STAT5B: variants seen among roughly 807,000 people sequenced by gnomAD.
STAT5B encodes the protein signal transducer and activator of transcription 5B, also known as transcription factor STAT5B.
STAT5B carries 21 observed loss-of-function variants against 107.8 expected under a neutral mutation model. That is an observed-to-expected ratio of 0.19 (90% CI 0.14 to 0.28). STAT5B has a LOEUF of 0.28. Among genes scored for constraint, STAT5B ranks in the 10% least tolerant of loss-of-function variants. STAT5B has a pLI of 1.00. For missense variants in STAT5B, 565 were observed against 1,008.2 expected, an observed-to-expected ratio of 0.56 and a Z score of 5.95; for synonymous variants, 325 against 401.7, an observed-to-expected ratio of 0.81 and a Z score of 2.28.
chr17:42,213,684 C>T (rs558400113), intron 12 of STAT5B, among the ~76,000 whole-genome samples: 117 of 151,596 alleles, frequency 7.7e-4, no homozygotes, highest in Middle Eastern at 3.4e-3. Context: ...CGCACCACCA[C>T]GCCCAGCTAA....
chr17:42,221,986 T>TGTGTG (rs1156334714), intron 5 of STAT5B, among the ~76,000 whole-genome samples: 1 of 140,660 alleles, frequency 7.1e-6, no homozygotes, highest in African/African-American at 2.8e-5. Context: ...GTGTGTGCTG[T>TGTGTG]GTGTGGTGTG....
intron 18 of STAT5B, 22 bp downstream of exon 18, chr17:42,202,318 C>A: frequency 6.2e-7 from 1 of 1,613,514 alleles, no homozygotes; most frequent in African/African-American, 1.3e-5. Context: ...CCCCTGTGGA[C>A]CCCCACAAGA....
chr17:42,223,187 C>G (rs7209095), intron 5 of STAT5B, among the ~76,000 whole-genome samples, 195 bp downstream of exon 5: 17,213 of 149,490 alleles, frequency 0.12, 3,225 homozygotes, highest in African/African-American at 0.41. Flanking sequence ...TGCACTTAAG[C>G]GGGGGGTCCT....
intron 1 of STAT5B, chr17:42,234,723 G>A (rs2080343670): frequency 6.6e-6 from 1 of 152,246 alleles, no homozygotes; most frequent in Non-Finnish European, 1.5e-5. Context: ...TTAGCCAGGT[G>A]TGGTGCCATG....
At chr17:42,281,188 T>G (rs2080794427), upstream of STAT5B, among the ~76,000 whole-genome samples, 1 of 151,982 alleles carries the variant, frequency 6.6e-6, no homozygotes, top group Admixed American at 6.5e-5. Flanking sequence ...GACTTTGGTC[T>G]AGGTACTTAA....
chr17:42,284,407 C>T, the STAT5B span, among the ~76,000 whole-genome samples: 55 of 152,288 alleles, frequency 3.6e-4, no homozygotes, highest in African/African-American at 1.3e-3. Context: ...GCTGGGACTA[C>T]AGGTGTGCAC....
rs945628738 is a variant in STAT5B at position 42,199,211 on chromosome 17, T to C, written c.*2527A>G. On this transcript the variant is annotated 3_prime_UTR_variant, in exon 19 of 19. Transcript: ENST00000293328. ...AGGAAGGCTTTATTGTAACATAAAATACACAACTTTGTGACTGTAACTCTG... is the reference window on the plus strand; with the variant it reads ...AGGAAGGCTTTATTGTAACATAAAACACACAACTTTGTGACTGTAACTCTG... The C allele has an allele frequency of 1.3e-5, 2 of 152,466 alleles. No homozygotes were observed. The highest frequency in any genetic ancestry group is 2.9e-5 in the Non-Finnish European group (2 of 68,034). The allele number at this position is 152,466 out of a possible 1,614,324, so 9.4% of individuals were successfully genotyped here.
At chr17:42,221,612 G>A (rs1045922343) in intron 5 of STAT5B, among the ~76,000 whole-genome samples, 2 of 152,068 alleles carry the variant, frequency 1.3e-5, no homozygotes, top group Non-Finnish European at 2.9e-5. Context: ...GGTAGGAATA[G>A]CCATCCCAAA....
At position 42,201,313 on chromosome 17, in the gene STAT5B, T is replaced by A. The variant is rs2080041725; in HGVS notation, c.*425A>T. Reference sequence around the variant, plus strand: ...AGTGACGAAGACTCACTGGAGCACATGTGCTTTCTCCTCCCTTTGTCCTTC... The same window carrying A: ...AGTGACGAAGACTCACTGGAGCACAAGTGCTTTCTCCTCCCTTTGTCCTTC... On this transcript the variant is annotated 3_prime_UTR_variant, in exon 19 of 19. Coordinates refer to ENST00000293328, the MANE Select transcript of STAT5B (RefSeq NM_012448.4). 1 of 543,822 alleles carries A rather than the reference T, an allele frequency of 1.8e-6. No individual in the cohort carries two copies. Among genetic ancestry groups the A allele is most frequent in the African/African-American group, 1.9e-5 (1 of 53,014 alleles). 33.7% of individuals were successfully genotyped at this position (543,822 alleles called of 1,614,324 possible).
At chr17:42,247,634 C>T (rs1201861332) in intron 1 of STAT5B, among the ~76,000 whole-genome samples, 2 of 152,072 alleles carry the variant, frequency 1.3e-5, no homozygotes, top group Non-Finnish European at 2.9e-5. Context: ...GTGGATCCAA[C>T]GAGTAGCAGG....
chr17:42,219,182 G>T, intron 7 of STAT5B, 130 bp downstream of exon 7: 3 of 1,393,328 alleles, frequency 2.2e-6, no homozygotes, highest in Admixed American at 2.6e-5. Context: ...GAGGAACCAG[G>T]CTCCCTGGAG....
At chr17:42,233,370 G>C (rs1240242057) in intron 1 of STAT5B, among the ~76,000 whole-genome samples, 1 of 152,068 alleles carries the variant, frequency 6.6e-6, no homozygotes, top group African/African-American at 2.4e-5. Context: ...TACTGCTAAG[G>C]AATTTATGAA....
rs1233242747 is a variant in STAT5B, at chr17:42,217,362, T to C, written c.1257+15A>G. 3 of 1,614,120 alleles carry C rather than the reference T, an allele frequency of 1.9e-6. No individual in the cohort carries two copies. Among genetic ancestry groups the C allele is most frequent in the Non-Finnish European group, 2.5e-6 (3 of 1,180,054 alleles). The stretch of plus-strand genomic sequence containing the variant: ...ACCAGGGAAAAATTCATTCTTCCTC[T>C]TCTTCCACCCTCACCATATTCCTGA... On this transcript the variant is annotated intron_variant, in intron 10 of 18. Coordinates refer to ENST00000293328, the MANE Select transcript of STAT5B (RefSeq NM_012448.4).
intron 1 of STAT5B, among the ~76,000 whole-genome samples, chr17:42,239,680 C>T (rs931520046): frequency 1.3e-5 from 2 of 152,180 alleles, no homozygotes. Flanking sequence ...AATTGAGGGT[C>T]ATCAAGATTA....
chr17:42,218,380 A>C (rs2080192225), intron 8 of STAT5B, 50 bp from the exon 9 acceptor site: 1 of 1,594,016 alleles, frequency 6.3e-7, no homozygotes, highest in African/African-American at 1.3e-5. Context: ...GTGCAGGGGA[A>C]AGGGCTCTCA....
chr17:42,244,193 T>C (rs2080431003), intron 1 of STAT5B, among the ~76,000 whole-genome samples: 1 of 151,268 alleles, frequency 6.6e-6, no homozygotes, highest in African/African-American at 2.4e-5. Context: ...GTTCAGGTGA[T>C]CCTCCTCCCT....
At chr17:42,267,489 GAAAAAGTTTTTAAAGTTTTGAAAAATT>G (rs1249768477) in intron 1 of STAT5B, among the ~76,000 whole-genome samples, 95 of 152,106 alleles carry the variant, frequency 6.2e-4, no homozygotes, top group Admixed American at 1.0e-3. Context: ...TCACTTTTAA[GAAAAAGTTTTTAAAGTTTTGAAAAATT>G]AAAAAGTTTT....
chr17:42,237,959 C>T (rs2080369604), intron 1 of STAT5B, among the ~76,000 whole-genome samples: 1 of 152,178 alleles, frequency 6.6e-6, no homozygotes. Context: ...TTACTGTTAC[C>T]TTAAACTTAC....
At chr17:42,278,749 G>C (rs1159808948), upstream of STAT5B, among the ~76,000 whole-genome samples, 1 of 152,164 alleles carries the variant, frequency 6.6e-6, no homozygotes, top group Non-Finnish European at 1.5e-5. Flanking sequence ...GGGAAGCCAA[G>C]GTCGGTGGAT....
Sources: gnomAD v4.1 joint callset for allele counts (sites outside exome capture counted in the v4.1 genomes callset) on GRCh38, gnomAD v4.1.1 for gene constraint, MANE v1.5 for transcripts, NCBI Gene and HGNC (gene_info 2026-07-23, HGNC 2026-07-21) for gene names.